Variants in ANKS1A observed in about 807,000 individuals in gnomAD.
ANKS1A encodes ankyrin repeat and SAM domain-containing protein 1A.
ANKS1A carries 55 observed loss-of-function variants against 120.3 expected under a neutral mutation model. That is an observed-to-expected ratio of 0.46 (90% CI 0.37 to 0.57). The LOEUF (loss-of-function observed/expected upper bound fraction) is 0.57, where lower values mean the gene tolerates loss of function less well. Ranked by LOEUF, ANKS1A falls within the 20% of genes least tolerant of loss-of-function variation. ANKS1A has a pLI of 0.00. For synonymous variants in ANKS1A, 590 were observed against 604.7 expected (o/e 0.98, Z 0.36); for missense variants, 1,123 against 1,480.3 (o/e 0.76, Z 3.96).
intron 3 of ANKS1A, among the ~76,000 whole-genome samples, chr6:34,976,623 A>G (rs1159699053): frequency 6.6e-6 from 1 of 152,126 alleles, no homozygotes; most frequent in East Asian, 1.9e-4. Context: ...TGGTTGCATT[A>G]GTATCACCTG....
intron 10 of ANKS1A, among the ~76,000 whole-genome samples, chr6:35,007,066 G>T (rs1773498913): frequency 6.6e-6 from 1 of 152,152 alleles, no homozygotes; most frequent in African/African-American, 2.4e-5. Context: ...TGATTTATAG[G>T]AATAAGTTTT....
At chr6:34,922,452 T>G (rs930259780) in intron 1 of ANKS1A, among the ~76,000 whole-genome samples, 4 of 152,184 alleles carry the variant, frequency 2.6e-5, no homozygotes, top group African/African-American at 9.7e-5. Flanking sequence ...CACGTTGTTT[T>G]GGCCACAGAC....
chr6:34,951,939 A>G (rs1770112203), intron 1 of ANKS1A, among the ~76,000 whole-genome samples: 1 of 152,148 alleles, frequency 6.6e-6, no homozygotes, highest in South Asian at 2.1e-4. Context: ...AAGAAAAGGC[A>G]AGACAGGATG....
Position 34,983,402 on chromosome 6 carries a change from A to T in ANKS1A, c.989A>T (p.Asp330Val). ...PPQPPLISSM[D>V]SISQKSQGDV... Reference sequence around the variant, plus strand: ...CAGCCACCTCTCATCTCCAGTATGGACTCCATATCACAGAAGTCTCAGGGT... The same window carrying T: ...CAGCCACCTCTCATCTCCAGTATGGTCTCCATATCACAGAAGTCTCAGGGT... The change falls in exon 7 of 24, where the codon GAC (aspartate) becomes GTC (valine). Residue 330 changes from aspartate (D) to valine (V), a missense_variant. By Grantham distance (152) the Asp-to-Val change is radical. Around this residue, in one of 3 missense-constraint regions of ANKS1A, gnomAD observed 904 missense variants for 1,130.4 expected, o/e 0.80. Coordinates refer to ENST00000360359, the MANE Select transcript of ANKS1A (RefSeq NM_015245.3). 1 of 1,613,524 alleles carries T rather than the reference A, an allele frequency of 6.2e-7. No individual in the cohort carries two copies. Among genetic ancestry groups the T allele is most frequent in the East Asian group, 2.2e-5 (1 of 44,864 alleles).
chr6:34,972,547 G>A (rs1771237341), intron 3 of ANKS1A: 1 of 966,706 alleles, frequency 1.0e-6, no homozygotes, highest in Non-Finnish European at 1.2e-6. Flanking sequence ...CATCCATTTT[G>A]TCATCACTTT....
chr6:34,952,214 ATCCACTTAAAG>A (rs764027997), intron 1 of ANKS1A, among the ~76,000 whole-genome samples: 3 of 152,166 alleles, frequency 2.0e-5, no homozygotes, highest in Non-Finnish European at 2.9e-5. Flanking sequence ...GGGTTATCTA[ATCCACTTAAAG>A]TATACTTGGC....
intron 14 of ANKS1A, among the ~76,000 whole-genome samples, chr6:35,078,926 G>A (rs1438580448): frequency 6.6e-6 from 1 of 152,190 alleles, no homozygotes. Flanking sequence ...GGTCTGCCTG[G>A]CCCAGGAGCC....
chr6:35,021,795 G>C (rs2127561806), intron 11 of ANKS1A, among the ~76,000 whole-genome samples: 1 of 152,142 alleles, frequency 6.6e-6, no homozygotes, highest in South Asian at 2.1e-4. Context: ...AGACCAGCCT[G>C]GCCAACATGG....
At chr6:34,920,902 T>C (rs1208690451) in intron 1 of ANKS1A, among the ~76,000 whole-genome samples, 3 of 152,162 alleles carry the variant, frequency 2.0e-5, no homozygotes, top group African/African-American at 7.2e-5. Context: ...ACCTCTTCTC[T>C]AGGGAGCTGC....
At chr6:34,999,434 T>C (rs946656634) in intron 10 of ANKS1A, among the ~76,000 whole-genome samples, 2 of 152,340 alleles carry the variant, frequency 1.3e-5, no homozygotes, top group East Asian at 1.9e-4. Flanking sequence ...GTGTGTGCCC[T>C]TTTTACCTGT....
At chr6:34,975,747 CTG>C (rs1294624574) in intron 3 of ANKS1A, among the ~76,000 whole-genome samples, 5 of 149,708 alleles carry the variant, frequency 3.3e-5, no homozygotes, top group Non-Finnish European at 7.4e-5. Context: ...GAGTGAGACC[CTG>C]TCTCAAAAAA....
Position 35,017,581 on chromosome 6 carries a change from A to G in ANKS1A, c.1532A>G (p.Glu511Gly). ...GLLHGSSPVC[E>G]VGQDPFQLLC... is the part of the protein sequence containing the mutation. The stretch of plus-strand genomic sequence containing the variant: ...CTCCACGGCTCCTCCCCGGTGTGCG[A>G]GGTGGGGCAGGACCCTTTCCAGCTG... Residue 511 changes from glutamate to glycine, a missense_variant, in exon 11 of 24, where the codon GAG becomes GGG. Glu to Gly is a moderately conservative substitution (Grantham distance 98). Around this residue, in one of 3 missense-constraint regions of ANKS1A, gnomAD observed 904 missense variants for 1,130.4 expected, o/e 0.80. Coordinates refer to ENST00000360359, the MANE Select transcript of ANKS1A (RefSeq NM_015245.3). 1 of 1,614,012 alleles carries G rather than the reference A, an allele frequency of 6.2e-7. No individual in the cohort carries two copies. Among genetic ancestry groups the G allele is most frequent in the Non-Finnish European group, 8.5e-7 (1 of 1,179,962 alleles).
chr6:35,074,038 G>T (rs1777213192), intron 13 of ANKS1A, among the ~76,000 whole-genome samples: 1 of 152,218 alleles, frequency 6.6e-6, no homozygotes. Context: ...TTCATCTCTT[G>T]TTCCTCAAAG....
intron 9 of ANKS1A, among the ~76,000 whole-genome samples, chr6:34,989,750 C>G (rs1772411185): frequency 6.6e-6 from 1 of 152,120 alleles, no homozygotes; most frequent in Non-Finnish European, 1.5e-5. Flanking sequence ...CATGAAGACT[C>G]TACACCAGGA....
chr6:35,079,406 A>C, intron 14 of ANKS1A, 110 bp from the exon 15 acceptor site: 1 of 1,421,592 alleles, frequency 7.0e-7, no homozygotes, highest in Admixed American at 2.1e-5. Flanking sequence ...GACCCCAAAC[A>C]CAGAGGGCCC....
intron 10 of ANKS1A, chr6:35,005,736 C>A (rs1310826530): frequency 6.7e-6 from 3 of 450,500 alleles, no homozygotes; most frequent in East Asian, 7.1e-5. Context: ...GAGGAAAAAA[C>A]CGCTACATAT....
At chr6:34,909,009 A>G (rs958792775) in intron 1 of ANKS1A, among the ~76,000 whole-genome samples, 1 of 152,232 alleles carries the variant, frequency 6.6e-6, no homozygotes, top group Non-Finnish European at 1.5e-5. Flanking sequence ...TCTTACCTAC[A>G]TACACATCTG....
chr6:34,952,902 G>A (rs1458459840), intron 1 of ANKS1A, among the ~76,000 whole-genome samples: 3 of 151,962 alleles, frequency 2.0e-5, no homozygotes, highest in African/African-American at 7.3e-5. Context: ...TAGAGATGGG[G>A]TTTCTCCATG....
Position 35,086,007 on chromosome 6 carries a change from C to A in ANKS1A, c.3303+71C>A. The A allele has an allele frequency of 6.7e-7, 1 of 1,493,736 alleles. No individual in the cohort carries two copies. Among genetic ancestry groups the A allele is most frequent in the Non-Finnish European group, 8.9e-7 (1 of 1,127,778 alleles). 92.5% of individuals were successfully genotyped at this position (1,493,736 alleles called of 1,614,324 possible). On this transcript the variant is annotated intron_variant, in intron 22 of 23. Coordinates refer to ENST00000360359, the MANE Select transcript of ANKS1A (RefSeq NM_015245.3). The surrounding 1 kb of genome is among the most constrained non-coding windows in gnomAD (Gnocchi z 5.1). ...GGATTCAAGGGCTCAGGGTGGTCAG[C>A]GTGAGGAGGGTCTTCTGGCACTTCC...
Sources: gnomAD v4.1 joint callset for allele counts (sites outside exome capture counted in the v4.1 genomes callset) on GRCh38, gnomAD v4.1.1 for gene constraint, gnomAD v4.1.1 regional missense constraint, Gnocchi (gnomAD v3.1) non-coding constraint, MANE v1.5 for transcripts, NCBI Gene and HGNC (gene_info 2026-07-23, HGNC 2026-07-21) for gene names.